Variants in COL8A1 observed in about 807,000 individuals in gnomAD.
COL8A1 encodes the protein collagen alpha-1(VIII) chain.
A neutral mutation model predicts 42.7 loss-of-function variants in COL8A1; 21 were observed. That is an observed-to-expected ratio of 0.49 (90% CI 0.35 to 0.71). The LOEUF (loss-of-function observed/expected upper bound fraction) is 0.71, where lower values mean the gene tolerates loss of function less well. Ranked by LOEUF, COL8A1 falls within the 30% of genes least tolerant of loss-of-function variation. The pLI is 0.01. For missense variants in COL8A1, 788 were observed against 962.4 expected, an observed-to-expected ratio of 0.82 and a Z score of 2.40; for synonymous variants, 367 against 369.1, an observed-to-expected ratio of 0.99 and a Z score of 0.06.
intron 1 of COL8A1, among the ~76,000 whole-genome samples, chr3:99,724,094 A>G (rs568887984): frequency 1.9e-3 from 295 of 152,232 alleles, no homozygotes; most frequent in African/African-American, 6.8e-3. Context: ...ATGCAGGTGG[A>G]CACCATGTGA....
intron 1 of COL8A1, among the ~76,000 whole-genome samples, chr3:99,734,935 G>A (rs1273709371): frequency 6.7e-6 from 1 of 150,044 alleles, no homozygotes; most frequent in Non-Finnish European, 1.5e-5. Context: ...GTTCACTCAT[G>A]ATTTGGTTCT....
intron 1 of COL8A1, among the ~76,000 whole-genome samples, chr3:99,726,960 G>C (rs1026417113): frequency 6.6e-6 from 1 of 152,094 alleles, no homozygotes; most frequent in Non-Finnish European, 1.5e-5. Flanking sequence ...AAAGTCATTG[G>C]TAGCTTTATA....
intron 1 of COL8A1, among the ~76,000 whole-genome samples, chr3:99,733,148 T>TTTATTA: frequency 6.7e-6 from 1 of 149,736 alleles, no homozygotes; most frequent in Non-Finnish European, 1.5e-5. Flanking sequence ...CTTTCTTTTT[T>TTTATTA]TTATTATTAT....
intron 1 of COL8A1, among the ~76,000 whole-genome samples, chr3:99,676,196 T>C (rs1938687619): frequency 1.3e-5 from 2 of 152,118 alleles, no homozygotes; most frequent in African/African-American, 4.8e-5. Context: ...GTAAACCTTC[T>C]TACAAAGAAA....
In COL8A1 at chr3:99,795,519, C is replaced by T. The variant is rs1306906689; in HGVS notation, c.1618C>T (p.Leu540Phe). 3 of 1,596,180 alleles carry T rather than the reference C, an allele frequency of 1.9e-6. No homozygotes were observed. Among genetic ancestry groups the T allele is most frequent in the East Asian group, 4.6e-5 (2 of 43,928 alleles). The change falls in exon 4 of 4, where the codon CTT becomes TTT. Residue 540 changes from leucine to phenylalanine, a missense_variant. Physicochemically the swap from Leu to Phe is conservative, Grantham distance 22. Around this residue, in one of 4 missense-constraint regions of COL8A1, gnomAD observed 154 missense variants for 182.3 expected, o/e 0.84. Coordinates refer to ENST00000652472, the MANE Select transcript of COL8A1 (RefSeq NM_020351.4). ...TATAGGGAAACCCGGAGTGGCAGGA[C>T]TTCATGGCCCCCCAGGGAAGCCTGG... ...PGIGKPGVAGLHGPPGKPGAL... is the reference protein window; with the variant it reads ...PGIGKPGVAGFHGPPGKPGAL...
intron 1 of COL8A1, chr3:99,678,489 C>G (rs953982165): frequency 6.6e-6 from 1 of 152,018 alleles, no homozygotes; most frequent in Non-Finnish European, 1.5e-5. Flanking sequence ...TTGTGCTCAG[C>G]CGAAGAGAAG....
chr3:99,764,684 TTTTTTTTC>T (rs2107429966), intron 2 of COL8A1, among the ~76,000 whole-genome samples: 1 of 40,782 alleles, frequency 2.5e-5, no homozygotes. Context: ...CAGATTTTTC[TTTTTTTTC>T]TTTTTTTTCT....
At chr3:99,727,321 G>A (rs1292746069) in intron 1 of COL8A1, among the ~76,000 whole-genome samples, 8 of 152,096 alleles carry the variant, frequency 5.3e-5, no homozygotes, top group Non-Finnish European at 1.0e-4. Flanking sequence ...GGGCTGAGAC[G>A]ATGGGCTTTT....
intron 1 of COL8A1, among the ~76,000 whole-genome samples, chr3:99,700,604 C>T (rs1939509397): frequency 6.6e-6 from 1 of 152,160 alleles, no homozygotes; most frequent in South Asian, 2.1e-4. Flanking sequence ...AACTGAGAAT[C>T]AGAAAGAAAA....
At chr3:99,717,790 T>C (rs1940041501) in intron 1 of COL8A1, among the ~76,000 whole-genome samples, 1 of 152,002 alleles carries the variant, frequency 6.6e-6, no homozygotes, top group Non-Finnish European at 1.5e-5. Flanking sequence ...ACTAGGGCTG[T>C]AGATAAAGTT....
At chr3:99,771,577 A>G (rs1941581554) in intron 2 of COL8A1, among the ~76,000 whole-genome samples, 1 of 152,156 alleles carries the variant, frequency 6.6e-6, no homozygotes, top group African/African-American at 2.4e-5. Context: ...CCTCAAGCCT[A>G]ATGTGCTTTC....
Position 99,795,972 on chromosome 3 carries a change from G to C in COL8A1, c.2071G>C (p.Glu691Gln), listed in dbSNP as rs766141769. Residue 691 changes from glutamate to glutamine, a missense_variant, in exon 4 of 4, where the codon GAG becomes CAG. Glu to Gln is a conservative substitution (Grantham distance 29). Around this residue, in one of 4 missense-constraint regions of COL8A1, gnomAD observed 212 missense variants for 210.9 expected, o/e 1.00. Transcript: ENST00000652472. ...NNEPVMYTYDEYKKGFLDQAS... is the reference protein window; with the variant it reads ...NNEPVMYTYDQYKKGFLDQAS... ...CGAGCCCGTGATGTACACGTACGAC[G>C]AGTACAAAAAGGGCTTCCTGGACCA... 7 of 1,614,052 alleles carry C rather than the reference G, an allele frequency of 4.3e-6. No individual in the cohort carries two copies. The highest frequency in any genetic ancestry group is 5.9e-6 in the Non-Finnish European group (7 of 1,179,974).
chr3:99,673,107 A>G lies in COL8A1; in HGVS notation c.-129+34443A>G, dbSNP rs561211684. Among the ~76,000 whole-genome samples, 7 of 152,138 alleles carry G rather than the reference A, an allele frequency of 4.6e-5. No individual in the cohort carries two copies. In the South Asian group the frequency reaches 1.2e-3, roughly 27 times the overall value. ...CATGAATGGGACAGACTATTTCCAG[A>G]TATATACCTCAAGTGTACAAAGAAC... On this transcript the variant is annotated intron_variant, in intron 1 of 3. Transcript: ENST00000652472.
chr3:99,750,417 C>T (rs1941121858), intron 2 of COL8A1, among the ~76,000 whole-genome samples: 1 of 152,096 alleles, frequency 6.6e-6, no homozygotes, highest in South Asian at 2.1e-4. Context: ...TAATAGCCAA[C>T]TCTGGGTGGC....
rs999639384 is a variant in COL8A1, at chr3:99,702,876, A to C, written c.-128-42021A>C. 2.0e-5 allele frequency among the ~76,000 whole-genome samples: 3 copies of C among 152,204 alleles called. No homozygotes were observed. The East Asian group carries it at 5.8e-4, about 29-fold the overall frequency. On this transcript the variant is annotated intron_variant, in intron 1 of 3. Coordinates refer to ENST00000652472, the MANE Select transcript of COL8A1 (RefSeq NM_020351.4). ...GTTAGGTGGAGTTGCTTTTTTATAG[A>C]CATGGTCAAGGAAGGCTTCAGGGTA...
chr3:99,707,262 C>G (rs567070601), intron 1 of COL8A1: 1 of 152,278 alleles, frequency 6.6e-6, no homozygotes, highest in Admixed American at 6.5e-5. Flanking sequence ...TTCTCACCAC[C>G]ATTGCTGACA....
chr3:99,735,793 G>T (rs1350415408), intron 1 of COL8A1, among the ~76,000 whole-genome samples: 6 of 151,928 alleles, frequency 3.9e-5, no homozygotes, highest in Non-Finnish European at 7.4e-5. Context: ...GACTCTTTTT[G>T]CTTGGTAAGC....
rs572144534 is a variant in COL8A1, at chr3:99,771,034, T to C, written c.-3-19646T>C. On this transcript the variant is annotated intron_variant, in intron 2 of 3. Transcript: ENST00000652472. ...CATGTGCAGAGCTGGAAGAAGACCT[T>C]TTGGGCAGAAAAACAGCTTGCCCAA... 1.8e-4 allele frequency among the ~76,000 whole-genome samples: 28 copies of C among 152,278 alleles called. 1 individual carries two copies. In the South Asian group the frequency reaches 5.4e-3, roughly 29 times the overall value.
chr3:99,776,850 C>G (rs1237461689), intron 2 of COL8A1, among the ~76,000 whole-genome samples: 3 of 152,196 alleles, frequency 2.0e-5, no homozygotes, highest in Non-Finnish European at 2.9e-5. Context: ...GGTTCCTCCC[C>G]TTTTTAGACC....
Sources: allele counts gnomAD v4.1 joint callset (sites outside exome capture counted in the v4.1 genomes callset), GRCh38; gene constraint gnomAD v4.1.1; regional missense constraint gnomAD v4.1.1; transcripts MANE v1.5; gene names NCBI Gene and HGNC (gene_info 2026-07-23, HGNC 2026-07-21).